GAN: variants seen among roughly 807,000 people sequenced by gnomAD.
GAN encodes the protein gigaxonin.
Under a neutral mutation model 71.3 loss-of-function variants are expected in GAN, and 48 were observed. The ratio of observed to expected loss-of-function variants is 0.67; its 90% confidence interval spans 0.53 to 0.86. The LOEUF (loss-of-function observed/expected upper bound fraction) is 0.86, where lower values mean the gene tolerates loss of function less well. Among genes scored for constraint, GAN ranks in the 40% least tolerant of loss-of-function variants. The probability of loss-of-function intolerance (pLI) is 0.00; values close to 1 mark genes in which losing one functional copy is unlikely to be tolerated. For synonymous variants in GAN, 386 were observed against 276.8 expected (o/e 1.39, Z -3.92); for missense variants, 928 against 770.1 (o/e 1.21, Z -2.43).
intron 1 of GAN, among the ~76,000 whole-genome samples, chr16:81,316,268 G>C (rs768045607): frequency 6.6e-6 from 1 of 152,132 alleles, no homozygotes; most frequent in Non-Finnish European, 1.5e-5. Flanking sequence ...TAGTGGTAGA[G>C]AATATCACTA....
At chr16:81,376,463 A>ATGTG (rs1491209902) in intron 9 of GAN, among the ~76,000 whole-genome samples, 30 of 90,116 alleles carry the variant, frequency 3.3e-4, no homozygotes, top group East Asian at 1.1e-3. Context: ...TTATACATAC[A>ATGTG]TATGTGTGTG....
At chr16:81,365,521 T>C in intron 9 of GAN, 43 bp downstream of exon 9, 3 of 1,589,788 alleles carry the variant, frequency 1.9e-6, no homozygotes, top group Admixed American at 1.7e-5. Context: ...ACTTTTTCTT[T>C]GTGCTTTCAG....
chr16:81,340,070 C>G (rs1371034418), intron 1 of GAN, among the ~76,000 whole-genome samples: 1 of 152,112 alleles, frequency 6.6e-6, no homozygotes, highest in Non-Finnish European at 1.5e-5. Context: ...CCTCTGCCAC[C>G]TGCTGAGAAA....
intron 9 of GAN, among the ~76,000 whole-genome samples, chr16:81,369,747 G>A (rs1276367065): frequency 1.3e-5 from 2 of 152,024 alleles, no homozygotes; most frequent in African/African-American, 2.4e-5. Context: ...GCCCGCCACC[G>A]CGCCCAGCTA....
At chr16:81,320,226 A>G (rs1909181658) in intron 1 of GAN, among the ~76,000 whole-genome samples, 1 of 152,240 alleles carries the variant, frequency 6.6e-6, no homozygotes, top group Admixed American at 6.5e-5. Flanking sequence ...AGGAGGTCCA[A>G]GTTTCATAGT....
At chr16:81,377,145 G>C in intron 9 of GAN, 74 bp from the exon 10 acceptor site, 3 of 909,418 alleles carry the variant, frequency 3.3e-6, no homozygotes, top group Non-Finnish European at 5.6e-6. Context: ...CACCAAGCTT[G>C]CTGTGTCAGT....
At chr16:81,338,312 T>G (rs1909832382) in intron 1 of GAN, among the ~76,000 whole-genome samples, 1 of 152,150 alleles carries the variant, frequency 6.6e-6, no homozygotes, top group Non-Finnish European at 1.5e-5. Flanking sequence ...TCCAAGAAAT[T>G]TACATGTATG....
chr16:81,377,591 C>T lies in GAN; in HGVS notation c.1789C>T (p.Pro597Ser). 1 of 1,613,908 alleles carries T rather than the reference C, an allele frequency of 6.2e-7. No individual in the cohort carries two copies. Among genetic ancestry groups the T allele is most frequent in the Non-Finnish European group, 8.5e-7 (1 of 1,179,832 alleles). Reference protein sequence around the residue: ...QGLFRIRVHSP With the variant: ...QGLFRIRVHSS ...CTTATTCCGTATTCGTGTTCATTCC[C>T]CTTGAGGAGGAAGCAGAGCAGAGTG... The change falls in exon 11 of 11, where the codon CCT (proline) becomes TCT (serine). Residue 597 changes from proline to serine, a missense_variant. Transcript: ENST00000648994.
intron 1 of GAN, among the ~76,000 whole-genome samples, chr16:81,330,706 G>A (rs906515814): frequency 3.9e-5 from 6 of 152,054 alleles, no homozygotes; most frequent in Admixed American, 3.9e-4. Context: ...AGGAGAAAAA[G>A]GTATTTATGT....
rs1359690628 is a variant in GAN, at chr16:81,379,236, G to T, written c.*1640G>T. On this transcript the variant is annotated 3_prime_UTR_variant, in exon 11 of 11. Transcript: ENST00000648994. ...TCTCCCACCCATAGACATAAAAAAG[G>T]GTGACCTGTGATTTTTTTTCTTATA... 10 of 152,048 alleles carry T rather than the reference G, an allele frequency of 6.6e-5. No homozygotes were observed. The highest frequency in any genetic ancestry group is 1.5e-4 in the Non-Finnish European group (10 of 67,988). 9.4% of individuals were successfully genotyped at this position (152,048 alleles called of 1,614,324 possible).
At position 81,340,882 on chromosome 16, in the gene GAN, C is replaced by T. The variant is rs894193182; in HGVS notation, c.168-10701C>T. 4.0e-5 allele frequency among the ~76,000 whole-genome samples: 6 copies of T among 151,830 alleles called. No individual in the cohort carries two copies. In the South Asian group the frequency reaches 6.2e-4, roughly 16 times the overall value. ...CATGTTTTAACCCATCGCAAGGAAT[C>T]GAAAAGCGTTCAAAAAGGGTTAGAC... is the stretch of plus-strand genomic sequence containing the variant. On this transcript the variant is annotated intron_variant, in intron 1 of 10. Coordinates refer to ENST00000648994, the MANE Select transcript of GAN (RefSeq NM_022041.4).
chr16:81,336,648 T>TA (rs58492192), intron 1 of GAN, among the ~76,000 whole-genome samples: 61,735 of 147,286 alleles, frequency 0.42, 13,519 homozygotes, highest in Middle Eastern at 0.5. Flanking sequence ...TTTTTTTTTT[T>TA]AATTTTCTTT....
intron 1 of GAN, among the ~76,000 whole-genome samples, chr16:81,318,675 T>C (rs889932480): frequency 2.0e-5 from 3 of 152,240 alleles, no homozygotes; most frequent in Non-Finnish European, 4.4e-5. Context: ...TTTATTCTGC[T>C]TTATCTTTGG....
intron 1 of GAN, among the ~76,000 whole-genome samples, chr16:81,324,024 G>A (rs866752817): frequency 3.9e-5 from 6 of 152,160 alleles, no homozygotes; most frequent in Middle Eastern, 3.2e-3. Flanking sequence ...TGTGTTATGG[G>A]TAGTTTCAGA....
chr16:81,342,220 T>A (rs1428184053), intron 1 of GAN, among the ~76,000 whole-genome samples: 1 of 152,166 alleles, frequency 6.6e-6, no homozygotes, highest in Non-Finnish European at 1.5e-5. Flanking sequence ...ATTAGACAGA[T>A]GAATGAGACA....
intron 1 of GAN, among the ~76,000 whole-genome samples, chr16:81,337,393 T>C (rs1909799341): frequency 6.6e-6 from 1 of 152,242 alleles, no homozygotes; most frequent in Non-Finnish European, 1.5e-5. Flanking sequence ...ATATGTTTCC[T>C]TGCTTTTATT....
intron 9 of GAN, among the ~76,000 whole-genome samples, chr16:81,374,824 G>C (rs1904275987): frequency 6.6e-6 from 1 of 152,192 alleles, no homozygotes; most frequent in African/African-American, 2.4e-5. Flanking sequence ...CCTTTTAGTG[G>C]TTATTAAATT....
intron 9 of GAN, among the ~76,000 whole-genome samples, chr16:81,376,752 C>G (rs1904282784): frequency 6.6e-6 from 1 of 151,898 alleles, no homozygotes; most frequent in South Asian, 2.1e-4. Flanking sequence ...GTGGTGCACA[C>G]CTGTAATCTC....
chr16:81,363,526 C>T (rs528737533), intron 6 of GAN, among the ~76,000 whole-genome samples: 20 of 152,104 alleles, frequency 1.3e-4, no homozygotes, highest in African/African-American at 3.6e-4. Context: ...ATTTTAGACT[C>T]GGGGATACAT....
Sources: gnomAD v4.1 joint callset for allele counts (sites outside exome capture counted in the v4.1 genomes callset) on GRCh38, gnomAD v4.1.1 for gene constraint, MANE v1.5 for transcripts, NCBI Gene and HGNC (gene_info 2026-07-23, HGNC 2026-07-21) for gene names.